The following CELF2 variants were observed in gnomAD, a reference collection of about 807,000 sequenced individuals.
CELF2 encodes CUG triplet repeat RNA-binding protein 2.
Under a neutral mutation model 62.6 loss-of-function variants are expected in CELF2, and 8 were observed. The ratio of observed to expected loss-of-function variants is 0.13; its 90% CI spans 0.07 to 0.23. The LOEUF is 0.23. Among genes scored for constraint, CELF2 ranks in the 10% least tolerant of loss-of-function variants. CELF2 has a pLI of 1.00. For synonymous variants in CELF2, 258 were observed against 250.0 expected (o/e 1.03, Z -0.30); for missense variants, 333 against 671.0 (o/e 0.50, Z 5.56).
intron 8 of CELF2, among the ~76,000 whole-genome samples, chr10:11,284,724 A>AATGG (rs1228345757): frequency 3.1e-5 from 4 of 131,040 alleles, no homozygotes; most frequent in Admixed American, 3.0e-4. Context: ...GTGAGAGGAT[A>AATGG]ATGGATGGAT....
chr10:11,006,119 T>C (rs1355603336), intron 1 of CELF2, among the ~76,000 whole-genome samples: 1 of 152,208 alleles, frequency 6.6e-6, no homozygotes, highest in Non-Finnish European at 1.5e-5. Flanking sequence ...GCATCCTGCT[T>C]TGAAAAATGT....
the CELF2 span, among the ~76,000 whole-genome samples, chr10:10,713,175 AG>A: frequency 6.6e-6 from 1 of 152,218 alleles, no homozygotes; most frequent in African/African-American, 2.4e-5. Flanking sequence ...TTTCCTCAAA[AG>A]GCCTTCGTAA....
At chr10:10,765,906 C>A in the CELF2 span, among the ~76,000 whole-genome samples, 1 of 152,126 alleles carries the variant, frequency 6.6e-6, no homozygotes, top group Non-Finnish European at 1.5e-5. Flanking sequence ...GGATCCCAGG[C>A]ACAAGCGCAC....
rs1364713847 is a variant in CELF2 at position 11,223,861 on chromosome 10, G to A, written c.354+6354G>A. On this transcript the variant is annotated intron_variant, in intron 3 of 12. Coordinates refer to ENST00000633077, the MANE Select transcript of CELF2 (RefSeq NM_001326342.2). The surrounding 1 kb of genome is among the most constrained non-coding windows in gnomAD (Gnocchi z 5.1). Reference sequence around the variant, plus strand: ...CTGCAGGCCCAGGCCCCAGGGCAATGGGAAAGTATATTTTAATGCTTAATA... The same window carrying A: ...CTGCAGGCCCAGGCCCCAGGGCAATAGGAAAGTATATTTTAATGCTTAATA... Among the ~76,000 whole-genome samples, 2 of 152,186 alleles carry A rather than the reference G, an allele frequency of 1.3e-5. No homozygotes were observed. The highest frequency in any genetic ancestry group is 2.9e-5 in the Non-Finnish European group (2 of 68,026).
intron 2 of CELF2, among the ~76,000 whole-genome samples, chr10:10,973,418 G>A (rs1004002014): frequency 2.6e-5 from 4 of 152,164 alleles, no homozygotes; most frequent in Admixed American, 1.3e-4. Context: ...TAAGAGCTTT[G>A]TGGCATTTTT....
intron 2 of CELF2, among the ~76,000 whole-genome samples, chr10:11,168,604 T>C (rs916670442): frequency 2.0e-5 from 3 of 152,216 alleles, no homozygotes; most frequent in Non-Finnish European, 4.4e-5. Context: ...GAAACTAGAA[T>C]TACTGGAGGT....
the CELF2 span, among the ~76,000 whole-genome samples, chr10:10,769,725 C>T: frequency 1.3e-5 from 2 of 152,104 alleles, no homozygotes; most frequent in Non-Finnish European, 2.9e-5. Flanking sequence ...GATCACACCA[C>T]TGCACTCCAG....
chr10:11,234,613 C>T (rs1236795841), intron 3 of CELF2, among the ~76,000 whole-genome samples: 5 of 132,922 alleles, frequency 3.8e-5, no homozygotes, highest in African/African-American at 8.5e-5. Flanking sequence ...ACCCGGGGGG[C>T]GGAGCCTGCA....
At chr10:11,113,432 T>C (rs1262403619) in intron 1 of CELF2, among the ~76,000 whole-genome samples, 1 of 152,162 alleles carries the variant, frequency 6.6e-6, no homozygotes, top group Non-Finnish European at 1.5e-5. Flanking sequence ...ACTAATTGGT[T>C]GTTAAGGGAA....
chr10:10,592,783 G>A, the CELF2 span, among the ~76,000 whole-genome samples: 4 of 152,174 alleles, frequency 2.6e-5, no homozygotes, highest in South Asian at 6.2e-4. Context: ...AGAGGTTGGG[G>A]GTAAAAGGGA....
chr10:11,318,586 G>GGTC lies in CELF2; in HGVS notation c.1097-2602_1097-2601insTCG. ...AAGTGGAGCCAGGAGAGAAGGATGT[G>GGTC]GCTGGAATGTCACTGGCTGGAGCTC... On this transcript the variant is annotated intron_variant, in intron 10 of 12. Transcript: ENST00000633077. The surrounding 1 kb of genome is among the most constrained non-coding windows in gnomAD (Gnocchi z 5.4). 5.4e-6 allele frequency: 2 copies of GGTC among 372,566 alleles called. No homozygotes were observed. Among genetic ancestry groups the GGTC allele is most frequent in the East Asian group, 7.3e-5 (1 of 13,658 alleles). 23.1% of individuals were successfully genotyped at this position (372,566 alleles called of 1,614,324 possible).
intron 1 of CELF2, among the ~76,000 whole-genome samples, chr10:11,029,779 T>C (rs74327581): frequency 0.01 from 1,528 of 152,346 alleles, 33 homozygotes; most frequent in African/African-American, 0.035. Context: ...TACAAATTAA[T>C]TGGTACTTTG....
Position 10,964,148 on chromosome 10 carries a change from A to C in CELF2, c.89+44149A>C, listed in dbSNP as rs79012238. Among the ~76,000 whole-genome samples, 362 of 152,350 alleles carry C rather than the reference A, an allele frequency of 2.4e-3. 3 individuals carry two copies. The highest frequency in any genetic ancestry group is 8.2e-3 in the African/African-American group (343 of 41,584). The stretch of plus-strand genomic sequence containing the variant: ...AACACTATTTTGCAATTATTGGACA[A>C]GTTTGTAGTTAAACTCTCCTTTGAA... On this transcript the variant is annotated intron_variant, in intron 2 of 13. Transcript: ENST00000636488.
intron 1 of CELF2, among the ~76,000 whole-genome samples, chr10:11,044,114 C>T (rs1329753277): frequency 6.6e-6 from 1 of 152,192 alleles, no homozygotes; most frequent in African/African-American, 2.4e-5. Flanking sequence ...AAAGGCGGTC[C>T]CTGACTATCA....
At chr10:10,646,756 G>A in the CELF2 span, among the ~76,000 whole-genome samples, 2 of 152,188 alleles carry the variant, frequency 1.3e-5, no homozygotes, top group Admixed American at 1.3e-4. Context: ...ACATCATTCT[G>A]TGGAACTTGC....
At chr10:11,202,712 C>T (rs192823247) in intron 2 of CELF2, among the ~76,000 whole-genome samples, 196 of 152,216 alleles carry the variant, frequency 1.3e-3, no homozygotes, top group African/African-American at 3.3e-3. Flanking sequence ...TTCTTGTTAT[C>T]GAATATAATT....
At chr10:10,680,131 T>TTGTATGTATGTACGTA in the CELF2 span, among the ~76,000 whole-genome samples, 7 of 148,064 alleles carry the variant, frequency 4.7e-5, no homozygotes, top group Non-Finnish European at 1.5e-5. Flanking sequence ...GTAGCATGAT[T>TTGTATGTATGTACGTA]TGTATGTATG....
chr10:10,687,694 A>T, the CELF2 span, among the ~76,000 whole-genome samples: 1 of 152,218 alleles, frequency 6.6e-6, no homozygotes, highest in Non-Finnish European at 1.5e-5. Context: ...AGCATGAAAA[A>T]GTTAAATTTT....
At chr10:10,927,345 T>TGAAAAAAAAAAAAAAAAAA (rs2065584021) in intron 2 of CELF2, 1 of 29,704 alleles carries the variant, frequency 3.4e-5, no homozygotes, top group Non-Finnish European at 5.4e-5. Context: ...CCTAGTGACA[T>TGAAAAAAAAAAAAAAAAAA]TAAAAAAAAA....
Sources: gnomAD v4.1 joint callset for allele counts (sites outside exome capture counted in the v4.1 genomes callset) on GRCh38, gnomAD v4.1.1 for gene constraint, Gnocchi (gnomAD v3.1) non-coding constraint, MANE v1.5 for transcripts, NCBI Gene and HGNC (gene_info 2026-07-23, HGNC 2026-07-21) for gene names.